The following PKHD1 variants were observed in gnomAD, a reference collection of about 807,000 sequenced individuals.
PKHD1 encodes the protein PKHD1 ciliary IPT domain containing fibrocystin/polyductin.
In PKHD1, 291 loss-of-function variants were observed where a neutral mutation model predicts 412.0. The ratio of observed to expected loss-of-function variants is 0.71; its 90% CI spans 0.64 to 0.78. The LOEUF (loss-of-function observed/expected upper bound fraction) is 0.78. PKHD1 is among the 30% of genes least tolerant of loss of function. PKHD1 has a pLI of 0.00. For synonymous variants in PKHD1, 1,777 were observed against 1,821.5 expected, an observed-to-expected ratio of 0.98 and a Z score of 0.62; for missense variants, 4,825 against 4,950.7, an observed-to-expected ratio of 0.97 and a Z score of 0.76.
At chr6:51,840,129 C>T (rs1769914324) in intron 50 of PKHD1, among the ~76,000 whole-genome samples, 1 of 152,054 alleles carries the variant, frequency 6.6e-6, no homozygotes, top group Non-Finnish European at 1.5e-5. Flanking sequence ...TCCTGTCCTG[C>T]TCAGTGAATT....
chr6:51,964,511 T>C (rs186146883), intron 35 of PKHD1, among the ~76,000 whole-genome samples: 1 of 152,272 alleles, frequency 6.6e-6, no homozygotes, highest in Admixed American at 6.5e-5. Context: ...ATACAATGTA[T>C]ACTGGTTTAT....
At position 52,025,982 on chromosome 6, in the gene PKHD1, C is replaced by G. The variant is rs1373102999; in HGVS notation, c.3828G>C (p.Arg1276Ser). 6.2e-7 allele frequency: 1 copy of G among 1,614,014 alleles called. No homozygotes were observed. The highest frequency in any genetic ancestry group is 1.7e-5 in the Admixed American group (1 of 60,006). The change falls in exon 32 of 67, where the codon AGG becomes AGC. Residue 1276 changes from arginine to serine, a missense_variant. Physicochemically the swap from Arg to Ser is moderately radical, Grantham distance 110. Transcript: ENST00000371117. The part of the protein sequence containing the change: ...PAAVEVWAGN[R>S]FFARGPSPSL... The stretch of plus-strand genomic sequence containing the variant: ...TTGGTGAAGGACCACGGGCGAAGAA[C>G]CTGTTGCCAGCCCAGACCTCCACGG...
At chr6:51,837,949 C>T (rs1582962414) in intron 50 of PKHD1, among the ~76,000 whole-genome samples, 1 of 152,310 alleles carries the variant, frequency 6.6e-6, no homozygotes, top group East Asian at 1.9e-4. Flanking sequence ...ACCTTTATCA[C>T]CACTTCCAAG....
intron 36 of PKHD1, among the ~76,000 whole-genome samples, chr6:51,947,762 G>T (rs745969048): frequency 2.6e-5 from 4 of 151,988 alleles, no homozygotes; most frequent in Non-Finnish European, 4.4e-5. Context: ...AAACACCATC[G>T]CACGCTAATT....
At chr6:51,798,259 A>G (rs1475467179) in intron 52 of PKHD1, among the ~76,000 whole-genome samples, 1 of 152,112 alleles carries the variant, frequency 6.6e-6, no homozygotes, top group Non-Finnish European at 1.5e-5. Context: ...CATACCTGTA[A>G]TCCCAGCTAC....
intron 52 of PKHD1, among the ~76,000 whole-genome samples, chr6:51,825,639 G>T (rs950707945): frequency 3.3e-5 from 5 of 152,036 alleles, no homozygotes; most frequent in African/African-American, 1.2e-4. Context: ...ATAATGCATG[G>T]AAGAACCCAA....
chr6:52,065,367 T>C (rs1809536416), intron 12 of PKHD1, among the ~76,000 whole-genome samples: 1 of 151,110 alleles, frequency 6.6e-6, no homozygotes. Flanking sequence ...CAGCGTGGAG[T>C]ATTCAGAAGG....
chr6:51,909,008 C>G (rs1342970820), intron 40 of PKHD1, among the ~76,000 whole-genome samples: 2 of 152,072 alleles, frequency 1.3e-5, no homozygotes, highest in Non-Finnish European at 2.9e-5. Flanking sequence ...ACTGCCTGTT[C>G]CAGAATCAAA....
At chr6:51,981,312 T>TACGTCTAC (rs1795141472) in intron 35 of PKHD1, among the ~76,000 whole-genome samples, 1 of 7,366 alleles carries the variant, frequency 1.4e-4, no homozygotes, top group African/African-American at 3.5e-4. Flanking sequence ...AAGCTCAAGC[T>TACGTCTAC]CTCCCTCTCC....
intron 22 of PKHD1, 84 bp from the exon 23 acceptor site, chr6:52,048,703 G>T: frequency 6.5e-7 from 1 of 1,533,274 alleles, no homozygotes. Flanking sequence ...GTCCTGTCTT[G>T]CTTAGGCTGC....
At chr6:52,030,639 G>T (rs1311405865) in intron 29 of PKHD1, among the ~76,000 whole-genome samples, 3 of 151,910 alleles carry the variant, frequency 2.0e-5, no homozygotes, top group Non-Finnish European at 4.4e-5. Context: ...AACAGTATTG[G>T]GCCACCATCC....
At chr6:51,627,524 A>G (rs2225242) in intron 65 of PKHD1, among the ~76,000 whole-genome samples, 6,516 of 152,084 alleles carry the variant, frequency 0.043, 235 homozygotes, top group African/African-American at 0.093. Flanking sequence ...TGTGCCTTGC[A>G]TATGTGGCTC....
chr6:51,714,980 AC>A (rs1467795257), intron 60 of PKHD1, among the ~76,000 whole-genome samples: 13 of 151,950 alleles, frequency 8.6e-5, no homozygotes, highest in African/African-American at 1.9e-4. Flanking sequence ...TGGAATTTTC[AC>A]AAATTCCAAT....
chr6:51,897,119 T>C (rs901294795), intron 43 of PKHD1, among the ~76,000 whole-genome samples: 2 of 152,016 alleles, frequency 1.3e-5, no homozygotes, highest in African/African-American at 2.4e-5. Flanking sequence ...ACTTCCCCAA[T>C]CTAGCAAGGC....
Position 51,659,943 on chromosome 6 carries a change from T to A in PKHD1, c.10183A>T (p.Thr3395Ser). ...AGTFREEQKC[T>S]YQFLMQGFIC... ...AATCCTTGCATCAGAAATTGGTATG[T>A]ACATTTCTGTTCTTCTCTAAATGTA... The change falls in exon 61 of 67, where the codon ACA becomes TCA. Residue 3395 changes from threonine to serine, a missense_variant. Coordinates refer to ENST00000371117, the MANE Select transcript of PKHD1 (RefSeq NM_138694.4). The A allele has an allele frequency of 6.2e-7, 1 of 1,608,770 alleles. No individual in the cohort carries two copies. Among genetic ancestry groups the A allele is most frequent in the Non-Finnish European group, 8.5e-7 (1 of 1,175,472 alleles).
chr6:52,076,258 T>C lies in PKHD1; in HGVS notation c.448+18A>G. The C allele has an allele frequency of 6.4e-7, 1 of 1,563,322 alleles. No homozygotes were observed. The highest frequency in any genetic ancestry group is 8.8e-7 in the Non-Finnish European group (1 of 1,133,710). On this transcript the variant is annotated intron_variant, in intron 6 of 66. Transcript: ENST00000371117. The stretch of plus-strand genomic sequence containing the variant: ...AACAGATTCACAATTATTCCTATTT[T>C]AATAGAAGATTTCTTACCTGGAACA...
At chr6:51,710,054 C>CA (rs1174875662) in intron 60 of PKHD1, among the ~76,000 whole-genome samples, 1 of 151,712 alleles carries the variant, frequency 6.6e-6, no homozygotes, top group Non-Finnish European at 1.5e-5. Flanking sequence ...ACTAAAAATA[C>CA]AAAAAATTAG....
intron 29 of PKHD1, 150 bp downstream of exon 29, chr6:52,032,880 C>T (rs376648251): frequency 1.3e-5 from 9 of 714,046 alleles, no homozygotes; most frequent in East Asian, 2.5e-5. Flanking sequence ...GAGATTGATT[C>T]GATGATGGCT....
chr6:51,930,807 G>A (rs1277803677), intron 37 of PKHD1, among the ~76,000 whole-genome samples: 1 of 152,184 alleles, frequency 6.6e-6, no homozygotes, highest in East Asian at 1.9e-4. Flanking sequence ...CCACGCCCAG[G>A]AATGGTGGTT....
Sources: gnomAD v4.1 joint callset for allele counts (sites outside exome capture counted in the v4.1 genomes callset) on GRCh38, gnomAD v4.1.1 for gene constraint, MANE v1.5 for transcripts, NCBI Gene and HGNC (gene_info 2026-07-23, HGNC 2026-07-21) for gene names.